Variants in PPIL3 observed in about 807,000 individuals in gnomAD.
PPIL3 encodes peptidyl-prolyl cis-trans isomerase-like 3.
Under a neutral mutation model 20.9 loss-of-function variants are expected in PPIL3, and 13 were observed. The ratio of observed to expected loss-of-function variants is 0.62; its 90% CI spans 0.40 to 0.99. PPIL3 has a LOEUF of 0.99. Ranked by LOEUF, PPIL3 falls within the 50% of genes least tolerant of loss-of-function variation. The pLI, the probability that PPIL3 is intolerant of heterozygous loss-of-function variation, is 0.00. For missense variants in PPIL3, 170 were observed against 195.2 expected (o/e 0.87, Z 0.77); for synonymous variants, 71 against 64.4 (o/e 1.10, Z -0.49).
intron 2 of PPIL3, 75 bp from the exon 3 acceptor site, chr2:200,885,847 G>A: frequency 1.2e-6 from 1 of 844,908 alleles, no homozygotes; most frequent in South Asian, 1.6e-5. Flanking sequence ...TTCCCTGTGT[G>A]GATATTCAAG....
At position 200,875,556 on chromosome 2, in the gene PPIL3, G is replaced by A. The variant is rs139436509; in HGVS notation, c.359+1363C>T. ...GCTGGGATTACAGGTGTGAGCCACCGCACCCGGCTTTTCTTTTTTTCTATC... is the reference window on the plus strand; with the variant it reads ...GCTGGGATTACAGGTGTGAGCCACCACACCCGGCTTTTCTTTTTTTCTATC... On this transcript the variant is annotated intron_variant, in intron 6 of 6. Coordinates refer to ENST00000392283, the MANE Select transcript of PPIL3 (RefSeq NM_130906.3). 8.2e-4 allele frequency among the ~76,000 whole-genome samples: 124 copies of A among 151,658 alleles called. 1 individual carries two copies. Among genetic ancestry groups the A allele is most frequent in the East Asian group, 3.5e-3 (18 of 5,156 alleles).
At chr2:200,887,125 C>G (rs2039962646) in intron 2 of PPIL3, 1 of 152,738 alleles carries the variant, frequency 6.5e-6, no homozygotes, top group Admixed American at 6.5e-5. Context: ...TGGCTCACGC[C>G]TGTAATTCCA....
At chr2:200,872,903 G>A (rs537657853) in intron 6 of PPIL3, among the ~76,000 whole-genome samples, 17 of 147,646 alleles carry the variant, frequency 1.2e-4, no homozygotes, top group Admixed American at 6.1e-4. Flanking sequence ...ATGAAGTCTC[G>A]CTCTGGTCCC....
At chr2:200,875,513 T>C (rs564435954) in intron 6 of PPIL3, among the ~76,000 whole-genome samples, 1 of 151,760 alleles carries the variant, frequency 6.6e-6, no homozygotes, top group African/African-American at 2.4e-5. Flanking sequence ...TGATCTGCCC[T>C]CCTTGGCCTC....
chr2:200,876,125 A>G (rs1349785365), intron 6 of PPIL3, among the ~76,000 whole-genome samples: 1 of 151,410 alleles, frequency 6.6e-6, no homozygotes, highest in Non-Finnish European at 1.5e-5. Context: ...ATGTCTCTAA[A>G]AAAAAAGTGT....
rs561628987 is a variant in PPIL3, at chr2:200,875,555, C to A, written c.359+1364G>T. On this transcript the variant is annotated intron_variant, in intron 6 of 6. Coordinates refer to ENST00000392283, the MANE Select transcript of PPIL3 (RefSeq NM_130906.3). ...TGCTGGGATTACAGGTGTGAGCCAC[C>A]GCACCCGGCTTTTCTTTTTTTCTAT... Among the ~76,000 whole-genome samples, 352 of 151,764 alleles carry A rather than the reference C, an allele frequency of 2.3e-3. 1 individual carries two copies. The highest frequency in any genetic ancestry group is 3.5e-3 in the Non-Finnish European group (239 of 67,882).
At chr2:200,875,545 T>C (rs11688943) in intron 6 of PPIL3, among the ~76,000 whole-genome samples, 45,487 of 151,630 alleles carry the variant, frequency 0.3, 8,372 homozygotes, top group Non-Finnish European at 0.41. Flanking sequence ...GGATTACAGG[T>C]GTGAGCCACC....
At chr2:200,875,519 G>A (rs1385314485) in intron 6 of PPIL3, among the ~76,000 whole-genome samples, 1 of 151,916 alleles carries the variant, frequency 6.6e-6, no homozygotes, top group African/African-American at 2.4e-5. Flanking sequence ...GCCCTCCTTG[G>A]CCTCCCAAAG....
chr2:200,884,280 T>C (rs927692237), intron 3 of PPIL3, among the ~76,000 whole-genome samples: 2 of 152,098 alleles, frequency 1.3e-5, no homozygotes, highest in African/African-American at 4.8e-5. Flanking sequence ...CTGGCGCCTA[T>C]AGTCCCAGCT....
chr2:200,872,350 C>G (rs533276189), intron 6 of PPIL3, among the ~76,000 whole-genome samples: 1 of 152,258 alleles, frequency 6.6e-6, no homozygotes, highest in East Asian at 1.9e-4. Flanking sequence ...CTCTTAGTAT[C>G]TACTTGTGTT....
At chr2:200,880,005 T>C (rs1458067769) in intron 5 of PPIL3, among the ~76,000 whole-genome samples, 1 of 152,182 alleles carries the variant, frequency 6.6e-6, no homozygotes, top group Non-Finnish European at 1.5e-5. Flanking sequence ...TCAACTCCTG[T>C]AACAAAACTA....
At chr2:200,874,749 T>C (rs977629722) in intron 6 of PPIL3, among the ~76,000 whole-genome samples, 2 of 152,174 alleles carry the variant, frequency 1.3e-5, no homozygotes, top group African/African-American at 4.8e-5. Flanking sequence ...ATTATTAATG[T>C]GTAAATTAGA....
chr2:200,883,794 G>T (rs1236485206), intron 3 of PPIL3, among the ~76,000 whole-genome samples: 1 of 152,158 alleles, frequency 6.6e-6, no homozygotes, highest in Non-Finnish European at 1.5e-5. Flanking sequence ...ACAGGGTCTT[G>T]CTCTGTCACC....
At chr2:200,872,127 G>A (rs886888270) in intron 6 of PPIL3, among the ~76,000 whole-genome samples, 1 of 151,994 alleles carries the variant, frequency 6.6e-6, no homozygotes, top group African/African-American at 2.4e-5. Flanking sequence ...TGTACTATCT[G>A]ACTAACCATG....
At chr2:200,882,823 T>C (rs1006506701) in intron 3 of PPIL3, among the ~76,000 whole-genome samples, 6 of 150,998 alleles carry the variant, frequency 4.0e-5, no homozygotes, top group African/African-American at 1.5e-4. Context: ...TGGCGTGAAC[T>C]TGGGAGGCGG....
intron 5 of PPIL3, among the ~76,000 whole-genome samples, chr2:200,880,374 T>C (rs1262679595): frequency 1.3e-5 from 2 of 151,874 alleles, no homozygotes; most frequent in African/African-American, 4.8e-5. Context: ...GGAAATATAA[T>C]AATACACTTA....
chr2:200,885,647 G>A, intron 3 of PPIL3, 51 bp downstream of exon 3: 1 of 1,145,828 alleles, frequency 8.7e-7, no homozygotes, highest in Non-Finnish European at 1.3e-6. Flanking sequence ...ATTCCAAAGT[G>A]CTTATCTTGT....
chr2:200,889,277 T>A, upstream of PPIL3: 1 of 314,930 alleles, frequency 3.2e-6, no homozygotes, highest in Non-Finnish European at 6.4e-6. Flanking sequence ...TACACTCGGC[T>A]GCCAAACGGA....
chr2:200,889,036 G>C lies in PPIL3; in HGVS notation c.-151C>G, dbSNP rs916058660. On this transcript the variant is annotated 5_prime_UTR_variant, in exon 1 of 7. Transcript: ENST00000392283. ...CGCAGATGCCAGCAGAGGTCTGTTG[G>C]TTCAAAATTATAGTTTCTTTGGGCC... is the stretch of plus-strand genomic sequence containing the variant. The C allele has an allele frequency of 4.2e-6, 2 of 471,158 alleles. No homozygotes were observed. The highest frequency in any genetic ancestry group is 2.3e-5 in the Admixed American group (1 of 42,578). 29.2% of individuals were successfully genotyped at this position (471,158 alleles called of 1,614,324 possible). A position where few individuals can be genotyped will look rare whatever the true frequency, so the allele number is the denominator to read the frequency against.
Sources: allele counts gnomAD v4.1 joint callset (sites outside exome capture counted in the v4.1 genomes callset), GRCh38; gene constraint gnomAD v4.1.1; transcripts MANE v1.5; gene names NCBI Gene and HGNC (gene_info 2026-07-23, HGNC 2026-07-21).